Variants in COPG2 observed in about 807,000 individuals in gnomAD.
COPG2 encodes coat protein complex I subunit gamma 2.
A neutral mutation model predicts 46.3 loss-of-function variants in COPG2; 37 were observed. That is an observed-to-expected ratio of 0.80 (90% CI 0.61 to 1.05). COPG2 has a LOEUF of 1.05. Ranked by LOEUF, COPG2 falls within the 50% of genes least tolerant of loss-of-function variation. The probability of loss-of-function intolerance (pLI) is 0.00; values close to 1 mark genes in which losing one functional copy is unlikely to be tolerated. For synonymous variants in COPG2, 159 were observed against 129.7 expected, an observed-to-expected ratio of 1.23 and a Z score of -1.53; for missense variants, 427 against 387.8, an observed-to-expected ratio of 1.10 and a Z score of -0.85.
chr7:130,536,585 C>A (rs1013240479), intron 20 of COPG2, among the ~76,000 whole-genome samples: 1 of 152,192 alleles, frequency 6.6e-6, no homozygotes, highest in Non-Finnish European at 1.5e-5. Context: ...GTGAGAATCA[C>A]TGGTGGACGC....
intron 9 of COPG2, among the ~76,000 whole-genome samples, chr7:130,577,954 T>G (rs1162859933): frequency 1.3e-5 from 2 of 152,032 alleles, no homozygotes; most frequent in Non-Finnish European, 2.9e-5. Context: ...CTTGCTTAGG[T>G]AAACAAAGCA....
At chr7:130,542,099 G>C (rs1793339007) in intron 20 of COPG2, among the ~76,000 whole-genome samples, 1 of 128,186 alleles carries the variant, frequency 7.8e-6, no homozygotes, top group Admixed American at 7.1e-5. Context: ...GCTTACGGAG[G>C]TGAGCTTGTT....
At chr7:130,537,189 G>T (rs1265325644) in intron 20 of COPG2, among the ~76,000 whole-genome samples, 1 of 152,146 alleles carries the variant, frequency 6.6e-6, no homozygotes, top group South Asian at 2.1e-4. Flanking sequence ...AGAGGCAGAG[G>T]CTCCCCAGAG....
rs950595613 is a variant in COPG2, at chr7:130,619,224, G to A, written c.324-2159C>T. Among the ~76,000 whole-genome samples, 6 of 152,096 alleles carry A rather than the reference G, an allele frequency of 3.9e-5. No homozygotes were observed. The South Asian group carries it at 8.3e-4, about 21-fold the overall frequency. ...AGCTAAATGTGTCTAATGAGCACTTGAAATATAGCTAGTGTGACTAATGAA... is the reference window on the plus strand; with the variant it reads ...AGCTAAATGTGTCTAATGAGCACTTAAAATATAGCTAGTGTGACTAATGAA... On this transcript the variant is annotated intron_variant, in intron 5 of 23. Coordinates refer to ENST00000425248, the MANE Select transcript of COPG2 (RefSeq NM_012133.6).
At chr7:130,628,534 CACT>C (rs1795162413) in intron 5 of COPG2, among the ~76,000 whole-genome samples, 1 of 152,110 alleles carries the variant, frequency 6.6e-6, no homozygotes, top group African/African-American at 2.4e-5. Context: ...AAACACATTA[CACT>C]ACTATTTTTT....
chr7:130,578,054 C>T (rs1794048062), intron 9 of COPG2, among the ~76,000 whole-genome samples: 1 of 152,260 alleles, frequency 6.6e-6, no homozygotes, highest in Non-Finnish European at 1.5e-5. Context: ...AGAGCACAGA[C>T]GAACCAAAAG....
chr7:130,513,361 A>G (rs187256641), intron 20 of COPG2, among the ~76,000 whole-genome samples: 926 of 39,412 alleles, frequency 0.023, 14 homozygotes, highest in African/African-American at 0.028. Context: ...GTGTGTGTGT[A>G]TATATATATA....
At chr7:130,613,691 T>A in intron 6 of COPG2, 55 bp from the exon 7 acceptor site, 1 of 1,105,120 alleles carries the variant, frequency 9.0e-7, no homozygotes, top group Non-Finnish European at 1.3e-6. Flanking sequence ...TATGCAAAAT[T>A]ACTCTTATGC....
chr7:130,623,850 T>A (rs1795076507), intron 5 of COPG2, among the ~76,000 whole-genome samples: 1 of 152,134 alleles, frequency 6.6e-6, no homozygotes, highest in Non-Finnish European at 1.5e-5. Context: ...AAACAATTTT[T>A]TTTTTCAAAA....
chr7:130,632,233 T>C (rs1795247445), intron 5 of COPG2, among the ~76,000 whole-genome samples: 1 of 152,234 alleles, frequency 6.6e-6, no homozygotes, highest in Admixed American at 6.5e-5. Flanking sequence ...TCAGTGGATA[T>C]GGTATTCTGA....
intron 4 of COPG2, 71 bp from the exon 5 acceptor site, chr7:130,653,019 G>T: frequency 2.2e-6 from 2 of 919,352 alleles, no homozygotes; most frequent in South Asian, 3.0e-5. Context: ...TTGAAGTGAG[G>T]ACCCCAAGTA....
intron 12 of COPG2, among the ~76,000 whole-genome samples, chr7:130,557,433 G>T (rs1793644829): frequency 1.3e-5 from 2 of 152,130 alleles, no homozygotes; most frequent in Non-Finnish European, 2.9e-5. Context: ...CCTAACTTAT[G>T]AATTTAACGT....
At chr7:130,618,684 A>G (rs1318240612) in intron 5 of COPG2, among the ~76,000 whole-genome samples, 4 of 152,184 alleles carry the variant, frequency 2.6e-5, no homozygotes, top group Non-Finnish European at 5.9e-5. Flanking sequence ...TATATTATTC[A>G]TATCTTTTTT....
chr7:130,608,798 G>C (rs1023265487), intron 9 of COPG2, among the ~76,000 whole-genome samples: 6 of 151,820 alleles, frequency 4.0e-5, no homozygotes, highest in Non-Finnish European at 1.5e-5. Context: ...TATATGACTA[G>C]GTTATGATTA....
chr7:130,522,483 C>T (rs915877853), intron 20 of COPG2, among the ~76,000 whole-genome samples: 4 of 151,894 alleles, frequency 2.6e-5, no homozygotes, highest in East Asian at 1.9e-4. Context: ...GCTATCAGGC[C>T]GATACGAAGG....
At chr7:130,507,401 T>C (rs1554440324) in intron 22 of COPG2, 29 bp from the exon 23 acceptor site, 2 of 779,972 alleles carry the variant, frequency 2.6e-6, no homozygotes. Flanking sequence ...TGAGACAGTA[T>C]TAGGAAAGTA....
intron 9 of COPG2, among the ~76,000 whole-genome samples, chr7:130,566,160 T>C (rs887113608): frequency 0.017 from 2,593 of 152,298 alleles, 69 homozygotes; most frequent in African/African-American, 0.059. Flanking sequence ...AGTGAAACTG[T>C]TGAAAGCATA....
intron 4 of COPG2, among the ~76,000 whole-genome samples, chr7:130,654,798 G>C (rs1181582275): frequency 1.3e-5 from 2 of 151,398 alleles, no homozygotes; most frequent in Non-Finnish European, 2.9e-5. Flanking sequence ...GCTTTATTTT[G>C]GACTTCTACT....
At chr7:130,618,512 T>C (rs1794987481) in intron 5 of COPG2, among the ~76,000 whole-genome samples, 1 of 152,246 alleles carries the variant, frequency 6.6e-6, no homozygotes, top group Non-Finnish European at 1.5e-5. Flanking sequence ...GATTGCATTG[T>C]AATGACAGAA....
Sources: gnomAD v4.1 joint callset for allele counts (sites outside exome capture counted in the v4.1 genomes callset) on GRCh38, gnomAD v4.1.1 for gene constraint, MANE v1.5 for transcripts, NCBI Gene and HGNC (gene_info 2026-07-23, HGNC 2026-07-21) for gene names.